HEPH: variants seen among roughly 807,000 people sequenced by gnomAD.
HEPH encodes the protein hephaestin.
In HEPH, 69 loss-of-function variants were observed where a neutral mutation model predicts 80.8. That is an observed-to-expected ratio of 0.85 (90% CI 0.70 to 1.04). The LOEUF is 1.04. Ranked by LOEUF, HEPH falls within the 50% of genes least tolerant of loss-of-function variation. The pLI, the probability that HEPH is intolerant of heterozygous loss-of-function variation, is 0.00. For missense variants in HEPH, 1,115 were observed against 891.3 expected, an observed-to-expected ratio of 1.25 and a Z score of -3.20; for synonymous variants, 431 against 322.8, an observed-to-expected ratio of 1.34 and a Z score of -3.60.
chrX:66,259,853 C>T (rs958325762), intron 18 of HEPH, among the ~76,000 whole-genome samples: 1 of 109,044 alleles, frequency 9.2e-6, no homozygotes, highest in Admixed American at 9.8e-5. Flanking sequence ...GGACTACAAG[C>T]GCCTGCTACC....
intron 2 of HEPH, 80 bp from the exon 3 acceptor site, chrX:66,172,275 G>A: frequency 1.0e-6 from 1 of 961,326 alleles, no homozygotes; most frequent in Non-Finnish European, 1.4e-6. Context: ...GTCACTTTTT[G>A]GTCAGTATCC....
At chrX:66,186,251 G>T (rs1407740860) in intron 4 of HEPH, among the ~76,000 whole-genome samples, 3 of 90,936 alleles carry the variant, frequency 3.3e-5, no homozygotes, top group Non-Finnish European at 6.2e-5. Context: ...CTTCCAGGCT[G>T]CTTTGTTTAC....
chrX:66,210,911 G>GTTT (rs1391269400), intron 15 of HEPH, among the ~76,000 whole-genome samples: 1 of 111,195 alleles, frequency 9.0e-6, no homozygotes, highest in Non-Finnish European at 1.9e-5. Flanking sequence ...TTGTTTGTTT[G>GTTT]TTTAGAGTGG....
chrX:66,200,480 G>T, intron 11 of HEPH, 60 bp from the exon 12 acceptor site: 1 of 938,993 alleles, frequency 1.1e-6, no homozygotes, highest in South Asian at 2.3e-5. Flanking sequence ...CATGCTCCTG[G>T]CCAGTGCTGG....
chrX:66,263,796 A>G, intron 20 of HEPH, 108 bp downstream of exon 20: 1 of 720,821 alleles, frequency 1.4e-6, no homozygotes, highest in Non-Finnish European at 2.1e-6. Context: ...GAGTTAGAAT[A>G]CATCAGCAGA....
In HEPH at chrX:66,255,022, G is replaced by T. The variant is rs751015705; in HGVS notation, c.2564-13G>T. 1.9e-5 allele frequency: 22 copies of T among 1,163,113 alleles called. No individual in the cohort carries two copies. Among genetic ancestry groups the T allele is most frequent in the Non-Finnish European group, 2.6e-5 (22 of 858,895 alleles). Reference sequence around the variant, plus strand: ...GACCCGGTGCAACTGGAGGTTCCTTGTTACACTTCTAGGTGAGGTGGTCAC... The same window carrying T: ...GACCCGGTGCAACTGGAGGTTCCTTTTTACACTTCTAGGTGAGGTGGTCAC... On this transcript the variant is annotated splice_polypyrimidine_tract_variant and intron_variant, in intron 15 of 20. Coordinates refer to ENST00000343002, the MANE Select transcript of HEPH (RefSeq NM_001367233.3).
intron 11 of HEPH, among the ~76,000 whole-genome samples, chrX:66,200,241 GGTGTGTGTGTGTGT>G (rs57136656): frequency 1.1e-5 from 1 of 91,230 alleles, no homozygotes; most frequent in Non-Finnish European, 2.1e-5. Context: ...AGGAGAGATT[GGTGTGTGTGTGTGT>G]GTGTGTGTGT....
intron 7 of HEPH, 42 bp downstream of exon 7, chrX:66,192,340 T>C (rs2087843125): frequency 4.6e-6 from 5 of 1,081,708 alleles, no homozygotes; most frequent in Non-Finnish European, 6.3e-6. Context: ...CTTTAATTGG[T>C]CCAGCTCCAA....
At chrX:66,230,833 G>A (rs201656703) in intron 15 of HEPH, among the ~76,000 whole-genome samples, 27 of 97,282 alleles carry the variant, frequency 2.8e-4, no homozygotes, top group South Asian at 5.2e-4. Context: ...TTGGTGTTTT[G>A]GACATGAAGT....
chrX:66,213,095 A>C (rs1010825885), intron 15 of HEPH, among the ~76,000 whole-genome samples: 2 of 109,762 alleles, frequency 1.8e-5, no homozygotes, highest in Non-Finnish European at 3.8e-5. Context: ...CAGGTTAGTT[A>C]CATATGTATA....
chrX:66,174,372 C>T (rs934425637), intron 4 of HEPH, among the ~76,000 whole-genome samples: 33 of 111,786 alleles, frequency 3.0e-4, no homozygotes, highest in African/African-American at 8.8e-4. Context: ...AGTAGTCCAT[C>T]GTATATATGT....
At chrX:66,193,410 T>C (rs1015315657) in intron 7 of HEPH, 92 bp from the exon 8 acceptor site, 18 of 555,211 alleles carry the variant, frequency 3.2e-5, no homozygotes, top group Admixed American at 4.4e-5. Context: ...TTCCTAAATA[T>C]AAAGATTCAT....
chrX:66,190,948 G>A (rs918643187), intron 6 of HEPH, among the ~76,000 whole-genome samples: 7 of 111,626 alleles, frequency 6.3e-5, no homozygotes, highest in Non-Finnish European at 7.5e-5. Context: ...TCAAATCCTC[G>A]TTCCATCACT....
intron 15 of HEPH, among the ~76,000 whole-genome samples, chrX:66,241,419 A>C (rs1472334488): frequency 8.9e-6 from 1 of 112,005 alleles, no homozygotes; most frequent in Non-Finnish European, 1.9e-5. Flanking sequence ...AGGAAGATCT[A>C]TCAAGAAAAC....
At chrX:66,265,964 C>T (rs937249730) in intron 20 of HEPH, among the ~76,000 whole-genome samples, 2 of 111,616 alleles carry the variant, frequency 1.8e-5, no homozygotes, top group Non-Finnish European at 3.8e-5. Flanking sequence ...GTTAACATGA[C>T]CCAAAGAGGT....
intron 10 of HEPH, among the ~76,000 whole-genome samples, chrX:66,198,361 G>A (rs2088226982): frequency 9.0e-6 from 1 of 111,499 alleles, no homozygotes; most frequent in Admixed American, 9.5e-5. Context: ...TGTAAAAATG[G>A]GATAACGATG....
At chrX:66,164,836 A>G (rs1463070047) in intron 1 of HEPH, among the ~76,000 whole-genome samples, 1 of 112,178 alleles carries the variant, frequency 8.9e-6, no homozygotes, top group Non-Finnish European at 1.9e-5. Context: ...AAAAATAACC[A>G]TGTTTGGTTT....
In HEPH at chrX:66,260,103, G is replaced by A. The variant is rs772184370; in HGVS notation, c.3040G>A (p.Gly1014Ser). 1 of 1,206,367 alleles carries A rather than the reference G, an allele frequency of 8.3e-7. No homozygotes were observed. Among genetic ancestry groups the A allele is most frequent in the Admixed American group, 2.2e-5 (1 of 45,837 alleles). ...TCATTCCCAATCTCTCTTGCAGAAT[G>A]GCGAGAACTACCGGGCAGATGTGGT... Reference protein sequence around the residue: ...FHAESFLYRNGENYRADVVDL... With the variant: ...FHAESFLYRNSENYRADVVDL... The change falls in exon 19 of 21, where the codon GGC (glycine) becomes AGC (serine). Residue 1014 changes from glycine (G) to serine (S), a missense_variant. By Grantham distance (56) the Gly-to-Ser change is moderately conservative. Transcript: ENST00000343002.
At chrX:66,227,878 G>T (rs938364171) in intron 15 of HEPH, among the ~76,000 whole-genome samples, 1 of 110,842 alleles carries the variant, frequency 9.0e-6, no homozygotes, top group African/African-American at 3.3e-5. Flanking sequence ...TGGCTATGTG[G>T]GATCTTTTTT....
Sources: allele counts gnomAD v4.1 joint callset (sites outside exome capture counted in the v4.1 genomes callset), GRCh38; gene constraint gnomAD v4.1.1; transcripts MANE v1.5; gene names NCBI Gene and HGNC (gene_info 2026-07-23, HGNC 2026-07-21).